TBX15: variants seen among roughly 807,000 people sequenced by gnomAD.
The protein encoded by TBX15 is T-box transcription factor 15, also known as T-box transcription factor TBX15.
In TBX15, 18 loss-of-function variants were observed where a neutral mutation model predicts 53.9. The observed-to-expected ratio is 0.33, with a 90% CI of 0.23 to 0.49. TBX15 has a LOEUF of 0.49. TBX15 is among the 20% of genes least tolerant of loss of function. The probability of loss-of-function intolerance (pLI) is 0.98; values close to 1 mark genes in which losing one functional copy is unlikely to be tolerated. For missense variants in TBX15, 692 were observed against 749.5 expected (o/e 0.92, Z 0.90); for synonymous variants, 295 against 278.0 (o/e 1.06, Z -0.61).
At position 118,987,826 on chromosome 1, in the gene TBX15, C is replaced by T. The variant is rs1219171472; in HGVS notation, c.-31G>A. On this transcript the variant is annotated 5_prime_UTR_variant, in exon 1 of 8. Transcript: ENST00000369429. The stretch of plus-strand genomic sequence containing the variant: ...CCGCCCACACCCCTGCCTCCGCTTG[C>T]CCCCGCTACCGAGGGAGCAGCCGGC... The T allele has an allele frequency of 6.5e-7, 1 of 1,545,558 alleles. No individual in the cohort carries two copies. The highest frequency in any genetic ancestry group is 2.4e-5 in the East Asian group (1 of 40,852).
intron 1 of TBX15, among the ~76,000 whole-genome samples, chr1:118,933,393 T>C (rs1655864841): frequency 6.6e-6 from 1 of 151,986 alleles, no homozygotes; most frequent in African/African-American, 2.4e-5. Flanking sequence ...AAAACTTCAG[T>C]TTACCCATAA....
chr1:118,935,749 G>A (rs183221788), intron 1 of TBX15, among the ~76,000 whole-genome samples: 33 of 152,284 alleles, frequency 2.2e-4, no homozygotes, highest in Admixed American at 8.5e-4. Context: ...AGTTCCCACA[G>A]AAAGTTGAGT....
chr1:118,908,329 G>C (rs1014291712), intron 6 of TBX15, among the ~76,000 whole-genome samples: 5 of 150,284 alleles, frequency 3.3e-5, no homozygotes, highest in Admixed American at 2.7e-4. Context: ...TCTTCCAGGA[G>C]CTTATATTCT....
chr1:118,930,047 C>T (rs1199116839), intron 2 of TBX15, among the ~76,000 whole-genome samples: 1 of 152,016 alleles, frequency 6.6e-6, no homozygotes, highest in Admixed American at 6.5e-5. Context: ...TCTTCTCCCC[C>T]TAGGAAGCCT....
chr1:118,956,641 T>A (rs552141889), intron 1 of TBX15, among the ~76,000 whole-genome samples: 2 of 152,264 alleles, frequency 1.3e-5, no homozygotes, highest in Admixed American at 1.3e-4. Flanking sequence ...CTGAAAGATA[T>A]TCATAGTCTT....
At chr1:118,932,998 A>C (rs867454089) in intron 1 of TBX15, among the ~76,000 whole-genome samples, 17 of 152,150 alleles carry the variant, frequency 1.1e-4, no homozygotes, top group Non-Finnish European at 1.2e-4. Context: ...CTGATGAGTG[A>C]CTTTTCAATG....
At chr1:118,969,332 T>C (rs1657157099) in intron 1 of TBX15, among the ~76,000 whole-genome samples, 1 of 152,212 alleles carries the variant, frequency 6.6e-6, no homozygotes, top group Admixed American at 6.5e-5. Flanking sequence ...TCTGGAGTTG[T>C]TGATTCTGGC....
chr1:118,951,116 C>T (rs1428036160), intron 1 of TBX15, among the ~76,000 whole-genome samples: 1 of 152,200 alleles, frequency 6.6e-6, no homozygotes, highest in Admixed American at 6.5e-5. Flanking sequence ...AAACAAACTA[C>T]AAACTATGAC....
At chr1:118,915,593 G>A (rs1464911508) in intron 5 of TBX15, among the ~76,000 whole-genome samples, 3 of 152,144 alleles carry the variant, frequency 2.0e-5, no homozygotes, top group Non-Finnish European at 2.9e-5. Context: ...TTCTAAAGTC[G>A]AGTGTCTGCC....
At chr1:118,940,292 G>A (rs189319030) in intron 1 of TBX15, among the ~76,000 whole-genome samples, 2 of 151,916 alleles carry the variant, frequency 1.3e-5, no homozygotes, top group African/African-American at 4.9e-5. Context: ...ACATTATTTA[G>A]TAAGTAAGTA....
intron 7 of TBX15, 25 bp from the exon 8 acceptor site, chr1:118,885,541 T>C: frequency 6.4e-7 from 1 of 1,555,956 alleles, no homozygotes. Context: ...GTGAATACTA[T>C]TGAGACAGAG....
intron 1 of TBX15, among the ~76,000 whole-genome samples, chr1:118,942,430 A>G (rs569010948): frequency 1.4e-4 from 21 of 152,330 alleles, no homozygotes; most frequent in African/African-American, 4.8e-4. Flanking sequence ...GCCAGAGAAG[A>G]TCTGGGAGGG....
chr1:118,946,968 G>A (rs1031305151), intron 1 of TBX15, among the ~76,000 whole-genome samples: 3 of 152,196 alleles, frequency 2.0e-5, no homozygotes, highest in Non-Finnish European at 4.4e-5. Context: ...TTCTCCTTAT[G>A]TGTGCCAAAA....
At chr1:118,888,353 C>A (rs1420689738) in intron 7 of TBX15, among the ~76,000 whole-genome samples, 1 of 152,112 alleles carries the variant, frequency 6.6e-6, no homozygotes, top group Non-Finnish European at 1.5e-5. Context: ...TGTGAATCGC[C>A]AACAACAAGT....
chr1:118,931,977 G>A (rs1207995045), intron 1 of TBX15, 145 bp from the exon 2 acceptor site: 2 of 698,422 alleles, frequency 2.9e-6, no homozygotes, highest in Non-Finnish European at 4.7e-6. Flanking sequence ...CCAGAGCACA[G>A]CACTCAGGGT....
chr1:118,955,585 G>A (rs1466732605), intron 1 of TBX15, among the ~76,000 whole-genome samples: 2 of 152,086 alleles, frequency 1.3e-5, no homozygotes, highest in Non-Finnish European at 1.5e-5. Context: ...GCTTTTCTGC[G>A]AGTCAAGACA....
rs552827908 is a variant in TBX15, at chr1:118,987,869, G to A, written c.-74C>T. 7.0e-4 allele frequency: 1,063 copies of A among 1,519,808 alleles called. 7 individuals are homozygous for A. The African/African-American group carries it at 0.012, about 17-fold the overall frequency. 94.1% of individuals were successfully genotyped at this position (1,519,808 alleles called of 1,614,324 possible). A position where few individuals can be genotyped will look rare whatever the true frequency, so the allele number is the denominator to read the frequency against. ...CAGCCGGCGCCCTCAAGCTCTGAGC[G>A]CCCACCGGGCCCGGCCCGGGAGAGG... On this transcript the variant is annotated 5_prime_UTR_variant, in exon 1 of 8. Transcript: ENST00000369429.
At chr1:118,979,444 G>A (rs1235056439) in intron 1 of TBX15, among the ~76,000 whole-genome samples, 1 of 151,696 alleles carries the variant, frequency 6.6e-6, no homozygotes, top group Non-Finnish European at 1.5e-5. Flanking sequence ...AAATGGTTAG[G>A]GATTAAAAGT....
Position 118,884,471 on chromosome 1 carries a change from G to C in TBX15, c.*261C>G, listed in dbSNP as rs1653848411. The C allele has an allele frequency of 1.9e-6, 1 of 527,990 alleles. No homozygotes were observed. Among genetic ancestry groups the C allele is most frequent in the Admixed American group, 3.2e-5 (1 of 30,830 alleles). The allele number at this position is 527,990 out of a possible 1,614,324, so 32.7% of individuals were successfully genotyped here. On this transcript the variant is annotated 3_prime_UTR_variant, in exon 8 of 8. Transcript: ENST00000369429. ...ATTCAGTCTCTTCAAAGGCCACTCT[G>C]GAACAGACAATGCTTTATAAAACTA...
Sources: allele counts gnomAD v4.1 joint callset (sites outside exome capture counted in the v4.1 genomes callset), GRCh38; gene constraint gnomAD v4.1.1; transcripts MANE v1.5; gene names NCBI Gene and HGNC (gene_info 2026-07-23, HGNC 2026-07-21).